CSNK1G2: variants seen among roughly 807,000 people sequenced by gnomAD.
The protein encoded by CSNK1G2 is casein kinase I isoform gamma-2.
Under a neutral mutation model 48.0 loss-of-function variants are expected in CSNK1G2, and 11 were observed. The observed-to-expected ratio is 0.23, with a 90% CI of 0.14 to 0.38. The LOEUF is 0.38. Ranked by LOEUF, CSNK1G2 falls within the 10% of genes least tolerant of loss-of-function variation. CSNK1G2 has a pLI of 1.00. For synonymous variants in CSNK1G2, 337 were observed against 254.1 expected, an observed-to-expected ratio of 1.33 and a Z score of -3.10; for missense variants, 446 against 595.5, an observed-to-expected ratio of 0.75 and a Z score of 2.61.
intron 2 of CSNK1G2, among the ~76,000 whole-genome samples, chr19:1,977,857 G>A (rs1406009942): frequency 6.6e-6 from 1 of 152,196 alleles, no homozygotes; most frequent in Non-Finnish European, 1.5e-5. Context: ...ACAGGACCTG[G>A]GCTCCTCTCT....
chr19:1,942,840 T>C (rs2014418608), intron 1 of CSNK1G2, among the ~76,000 whole-genome samples: 1 of 152,192 alleles, frequency 6.6e-6, no homozygotes, highest in Admixed American at 6.5e-5. Context: ...ACTGGTACTT[T>C]GTTTTGTTTT....
intron 2 of CSNK1G2, among the ~76,000 whole-genome samples, chr19:1,973,364 G>C (rs936308234): frequency 2.0e-5 from 3 of 151,924 alleles, no homozygotes; most frequent in Admixed American, 2.0e-4. Flanking sequence ...GAGATTACAG[G>C]TGCCTGCCAC....
intron 2 of CSNK1G2, among the ~76,000 whole-genome samples, chr19:1,971,353 C>T (rs2015561818): frequency 6.6e-6 from 1 of 152,230 alleles, no homozygotes; most frequent in South Asian, 2.1e-4. Context: ...TGGGCTTGGG[C>T]CACGAAGCCT....
At chr19:1,955,272 G>A (rs938418830) in intron 1 of CSNK1G2, among the ~76,000 whole-genome samples, 1 of 151,634 alleles carries the variant, frequency 6.6e-6, no homozygotes, top group East Asian at 1.9e-4. Context: ...CCAGGGTGGC[G>A]GCCCTGCCTG....
At chr19:1,955,321 G>A (rs1039542092) in intron 1 of CSNK1G2, among the ~76,000 whole-genome samples, 5 of 146,828 alleles carry the variant, frequency 3.4e-5, no homozygotes, top group South Asian at 2.2e-4. Context: ...CTGCTGCTGC[G>A]AGGGCCTCAG....
intron 1 of CSNK1G2, among the ~76,000 whole-genome samples, chr19:1,945,343 G>C (rs2014516305): frequency 6.6e-6 from 1 of 152,218 alleles, no homozygotes; most frequent in Non-Finnish European, 1.5e-5. Flanking sequence ...ACGCGTCTGA[G>C]GTGTGGGGAT....
At chr19:1,944,314 T>C (rs996782992) in intron 1 of CSNK1G2, among the ~76,000 whole-genome samples, 3 of 152,108 alleles carry the variant, frequency 2.0e-5, no homozygotes, top group Admixed American at 2.0e-4. Flanking sequence ...GTCTGGAGGC[T>C]CCCTAGGTCG....
chr19:1,970,529 A>G (rs1279644793), intron 2 of CSNK1G2, among the ~76,000 whole-genome samples: 1 of 152,208 alleles, frequency 6.6e-6, no homozygotes, highest in Non-Finnish European at 1.5e-5. Context: ...CGTGAGGAGC[A>G]GGGCCGAGGA....
At chr19:1,973,622 G>T (rs776942578) in intron 2 of CSNK1G2, among the ~76,000 whole-genome samples, 24 of 152,212 alleles carry the variant, frequency 1.6e-4, no homozygotes, top group Non-Finnish European at 2.9e-4. Flanking sequence ...CTGGTGTCAG[G>T]CTGTGCGGCT....
At chr19:1,977,750 CAAA>C (rs758107982) in intron 2 of CSNK1G2, among the ~76,000 whole-genome samples, 1 of 83,018 alleles carries the variant, frequency 1.2e-5, no homozygotes. Flanking sequence ...GACACCGTCT[CAAA>C]AAAAAAAAAA....
Position 1,980,282 on chromosome 19 carries a change from A to G in CSNK1G2, c.*79A>G. ...ACCTTGTGCGAGGCCCTCGGGGCCC[A>G]CCCACAGCGGCCCAGGGCCAGACCC... On this transcript the variant is annotated 3_prime_UTR_variant, in exon 12 of 12. Transcript: ENST00000255641. 1.9e-6 allele frequency: 3 copies of G among 1,550,464 alleles called. No individual in the cohort carries two copies. The highest frequency in any genetic ancestry group is 1.1e-5 in the South Asian group (1 of 89,078).
Position 1,978,162 on chromosome 19 carries a change from C to G in CSNK1G2, c.188-143C>G. 2.4e-6 allele frequency: 2 copies of G among 840,718 alleles called. No individual in the cohort carries two copies. The highest frequency in any genetic ancestry group is 2.0e-6 in the Non-Finnish European group (1 of 505,090). 52.1% of individuals were successfully genotyped at this position (840,718 alleles called of 1,614,324 possible). ...GTGCAGTGCTCTGGCAGGCTGGGCC[C>G]AGGCCCTGCTGCTGGGCAGTGGTGT... On this transcript the variant is annotated intron_variant, in intron 2 of 11. Coordinates refer to ENST00000255641, the MANE Select transcript of CSNK1G2 (RefSeq NM_001319.7). This position sits in a 1 kb window ranked among gnomAD's most constrained non-coding sequence, Gnocchi z 7.3.
rs554386226 is a variant in CSNK1G2, at chr19:1,957,466, C to T, written c.-265-12042C>T. On this transcript the variant is annotated intron_variant, in intron 1 of 11. Coordinates refer to ENST00000255641, the MANE Select transcript of CSNK1G2 (RefSeq NM_001319.7). This position sits in a 1 kb window ranked among gnomAD's most constrained non-coding sequence, Gnocchi z 5.4. ...GGCTGCCCCGAGCGGCTTGGGTGGC[C>T]GGGCCTGTGGGAGACCTTGGGTTTG... is the stretch of plus-strand genomic sequence containing the variant. Among the ~76,000 whole-genome samples, 12 of 152,326 alleles carry T rather than the reference C, an allele frequency of 7.9e-5. No individual in the cohort carries two copies. The East Asian group carries it at 1.2e-3, about 15-fold the overall frequency.
chr19:1,951,342 G>A (rs1206208214), intron 1 of CSNK1G2, among the ~76,000 whole-genome samples: 4 of 144,684 alleles, frequency 2.8e-5, no homozygotes, highest in East Asian at 2.2e-4. Context: ...GGCGGAGCTT[G>A]CAGTGAGCCG....
chr19:1,951,806 G>A (rs1430419677), intron 1 of CSNK1G2, among the ~76,000 whole-genome samples: 1 of 147,656 alleles, frequency 6.8e-6, no homozygotes, highest in Non-Finnish European at 1.5e-5. Context: ...TCAGCCTCCC[G>A]AGCAGCTGGG....
At chr19:1,962,615 A>G (rs981156348) in intron 1 of CSNK1G2, among the ~76,000 whole-genome samples, 27 of 151,138 alleles carry the variant, frequency 1.8e-4, no homozygotes, top group African/African-American at 6.6e-4. Context: ...GTGAGCTGAG[A>G]TGGTACCATT....
intron 2 of CSNK1G2, 98 bp downstream of exon 2, chr19:1,970,057 G>C: frequency 9.6e-7 from 1 of 1,045,364 alleles, no homozygotes; most frequent in Non-Finnish European, 1.2e-6. Flanking sequence ...GGTCACTGGA[G>C]CCTCTGGCGG....
intron 2 of CSNK1G2, chr19:1,975,771 C>T: frequency 1.0e-6 from 1 of 985,406 alleles, no homozygotes; most frequent in Non-Finnish European, 1.2e-6. Context: ...CACAGTGGCT[C>T]ACGCCTGTAA....
intron 1 of CSNK1G2, among the ~76,000 whole-genome samples, chr19:1,952,324 CTTTT>C (rs1043611284): frequency 6.8e-6 from 1 of 146,548 alleles, no homozygotes; most frequent in Non-Finnish European, 1.5e-5. Context: ...ACGTGCTCAA[CTTTT>C]TTTTTTTTTC....
Sources: allele counts gnomAD v4.1 joint callset (sites outside exome capture counted in the v4.1 genomes callset), GRCh38; gene constraint gnomAD v4.1.1; non-coding constraint Gnocchi (gnomAD v3.1); transcripts MANE v1.5; gene names NCBI Gene and HGNC (gene_info 2026-07-23, HGNC 2026-07-21).